The following RAP1GAP2 variants were observed in gnomAD, a reference collection of about 807,000 sequenced individuals.
RAP1GAP2 encodes RAP1 GTPase activating protein 2.
RAP1GAP2 carries 27 observed loss-of-function variants against 95.0 expected under a neutral mutation model. The ratio of observed to expected loss-of-function variants is 0.28; its 90% CI spans 0.21 to 0.39. The LOEUF (loss-of-function observed/expected upper bound fraction) is 0.39. Ranked by LOEUF, RAP1GAP2 falls within the 10% of genes least tolerant of loss-of-function variation. The pLI, the probability that RAP1GAP2 is intolerant of heterozygous loss-of-function variation, is 1.00. For missense variants in RAP1GAP2, 771 were observed against 970.0 expected, an observed-to-expected ratio of 0.79 and a Z score of 2.72; for synonymous variants, 373 against 380.9, an observed-to-expected ratio of 0.98 and a Z score of 0.24.
At position 3,029,498 on chromosome 17, in the gene RAP1GAP2, C is replaced by T. The variant is rs934350545; in HGVS notation, c.2108-1424C>T. On this transcript the variant is annotated intron_variant, in intron 22 of 24. Coordinates refer to ENST00000254695, the MANE Select transcript of RAP1GAP2 (RefSeq NM_015085.5). This position sits in a 1 kb window ranked among gnomAD's most constrained non-coding sequence, Gnocchi z 4.4. ...CTGTTTGGCTGAGTCTGGGGAGAGG[C>T]AGGGTGGAGTGGGGAGAGGTGGCCT... Among the ~76,000 whole-genome samples the T allele has an allele frequency of 6.6e-6, 1 of 152,068 alleles. No homozygotes were observed. The highest frequency in any genetic ancestry group is 1.5e-5 in the Non-Finnish European group (1 of 68,020).
Position 2,992,031 on chromosome 17 carries a change from G to T in RAP1GAP2, c.914+634G>T, listed in dbSNP as rs547859671. On this transcript the variant is annotated intron_variant, in intron 12 of 24. Coordinates refer to ENST00000254695, the MANE Select transcript of RAP1GAP2 (RefSeq NM_015085.5). ...TCCACCCACCTCAGCCTCCCAAAGT[G>T]CTAGGATTACCGGCGTGAGCCGCCG... is the stretch of plus-strand genomic sequence containing the variant. 3.3e-5 allele frequency among the ~76,000 whole-genome samples: 5 copies of T among 152,278 alleles called. No individual in the cohort carries two copies. The South Asian group carries it at 8.3e-4, about 25-fold the overall frequency.
At chr17:2,993,077 G>A (rs1011904811) in intron 12 of RAP1GAP2, among the ~76,000 whole-genome samples, 2 of 147,840 alleles carry the variant, frequency 1.4e-5, no homozygotes, top group African/African-American at 2.5e-5. Flanking sequence ...AAAAAATTAG[G>A]CAGGCATGGT....
chr17:2,854,114 C>T, intron 2 of RAP1GAP2: 1 of 985,466 alleles, frequency 1.0e-6, no homozygotes, highest in Middle Eastern at 5.2e-4. Flanking sequence ...TAAACCCCTG[C>T]AGCGCCGGCC....
intron 1 of RAP1GAP2, among the ~76,000 whole-genome samples, chr17:2,767,968 G>A (rs138460100): frequency 9.9e-4 from 150 of 152,256 alleles, no homozygotes; most frequent in African/African-American, 3.5e-3. Context: ...TCCTGACCTC[G>A]TGATCCATCT....
chr17:2,826,147 A>ATTTTTTTTTTTTTTTTTTTTTTT (rs71150901), intron 2 of RAP1GAP2, among the ~76,000 whole-genome samples: 2 of 108,864 alleles, frequency 1.8e-5, no homozygotes, highest in Non-Finnish European at 3.5e-5. Flanking sequence ...CGCCCAGCAA[A>ATTTTTTTTTTTTTTTTTTTTTTT]TTTTTTTTTT....
chr17:2,774,035 G>A (rs1351893444), upstream of RAP1GAP2, among the ~76,000 whole-genome samples: 1 of 152,180 alleles, frequency 6.6e-6, no homozygotes, highest in Non-Finnish European at 1.5e-5. Context: ...TGGGATTACA[G>A]GCATGAGCCA....
At chr17:2,940,466 G>A (rs1308448428) in intron 3 of RAP1GAP2, among the ~76,000 whole-genome samples, 8 of 152,364 alleles carry the variant, frequency 5.3e-5, no homozygotes, top group Non-Finnish European at 8.8e-5. Flanking sequence ...TTGCCATGGC[G>A]AGAGGGGGAG....
intron 2 of RAP1GAP2, among the ~76,000 whole-genome samples, chr17:2,852,820 A>G (rs1459124249): frequency 6.6e-6 from 1 of 152,080 alleles, no homozygotes; most frequent in Non-Finnish European, 1.5e-5. Flanking sequence ...ATTGTGAGCG[A>G]GGCCCCGCGC....
intron 2 of RAP1GAP2, among the ~76,000 whole-genome samples, chr17:2,841,914 C>T (rs1477525374): frequency 2.0e-5 from 3 of 152,218 alleles, no homozygotes; most frequent in Non-Finnish European, 4.4e-5. Context: ...GCATTCCCAG[C>T]AGTTTCTGGC....
intron 2 of RAP1GAP2, among the ~76,000 whole-genome samples, chr17:2,873,416 A>C (rs2072934996): frequency 7.8e-6 from 1 of 128,796 alleles, no homozygotes; most frequent in Non-Finnish European, 1.6e-5. Context: ...CGGAGGTTGC[A>C]ATGAGCTGAG....
chr17:2,897,803 C>T (rs1047881311), intron 2 of RAP1GAP2, among the ~76,000 whole-genome samples: 1 of 152,112 alleles, frequency 6.6e-6, no homozygotes, highest in Non-Finnish European at 1.5e-5. Context: ...TGCTTGTCTG[C>T]ATAATGAGGC....
chr17:2,955,049 C>T (rs770490165), intron 3 of RAP1GAP2, among the ~76,000 whole-genome samples: 9 of 152,110 alleles, frequency 5.9e-5, no homozygotes, highest in Middle Eastern at 3.2e-3. Context: ...TGGGTTGTAC[C>T]CACCGTTTGG....
At position 2,800,502 on chromosome 17, in the gene RAP1GAP2, T is replaced by C; in HGVS notation, c.45-13T>C. The stretch of plus-strand genomic sequence containing the variant: ...CTCAGCACTGACCGGAGCCCTTGCT[T>C]TTCTCTTGGCAGGATCGACAAGACC... On this transcript the variant is annotated splice_polypyrimidine_tract_variant and intron_variant, in intron 1 of 24. Transcript: ENST00000254695. 1 of 1,612,048 alleles carries C rather than the reference T, an allele frequency of 6.2e-7. No individual in the cohort carries two copies. The highest frequency in any genetic ancestry group is 1.6e-4 in the Middle Eastern group (1 of 6,062).
In RAP1GAP2 at chr17:2,778,225, A is replaced by C. The variant is rs559109596; in HGVS notation, c.-14+947A>C. Among the ~76,000 whole-genome samples, 286 of 151,864 alleles carry C rather than the reference A, an allele frequency of 1.9e-3. 1 individual carries two copies. The highest frequency in any genetic ancestry group is 3.0e-3 in the Non-Finnish European group (204 of 67,900). On this transcript the variant is annotated intron_variant, in intron 1 of 24. Coordinates refer to the RAP1GAP2 transcript ENST00000540393. ...TGTTGGATTTGGCTGCTCAGGCTTC[A>C]AGAAGCTGCCTCTGGTCCCTCCTTC... is the stretch of plus-strand genomic sequence containing the variant.
At chr17:2,775,062 C>T (rs370171332), upstream of RAP1GAP2, among the ~76,000 whole-genome samples, 5 of 151,414 alleles carry the variant, frequency 3.3e-5, no homozygotes, top group Admixed American at 6.6e-5. Context: ...GAACTCCTGA[C>T]CTTAAATGAT....
chr17:2,813,645 A>G (rs2069870367), intron 2 of RAP1GAP2, among the ~76,000 whole-genome samples: 1 of 152,054 alleles, frequency 6.6e-6, no homozygotes, highest in African/African-American at 2.4e-5. Flanking sequence ...GATGCCCACA[A>G]CCCACCCCTC....
At chr17:2,781,255 C>T (rs976401761) in intron 1 of RAP1GAP2, among the ~76,000 whole-genome samples, 3 of 152,228 alleles carry the variant, frequency 2.0e-5, no homozygotes, top group Non-Finnish European at 4.4e-5. Context: ...GGTCAGCAAG[C>T]AGATGGCAGC....
chr17:2,876,281 C>G (rs546890895), intron 2 of RAP1GAP2, among the ~76,000 whole-genome samples: 1 of 151,968 alleles, frequency 6.6e-6, no homozygotes, highest in South Asian at 2.1e-4. Context: ...GTAAAATATT[C>G]GAAGAGATTT....
chr17:2,807,305 A>G (rs556192646), intron 2 of RAP1GAP2, among the ~76,000 whole-genome samples: 1 of 152,318 alleles, frequency 6.6e-6, no homozygotes, highest in Admixed American at 6.5e-5. Flanking sequence ...GATTACAAGA[A>G]TTCTTGAGGC....
Sources: gnomAD v4.1 joint callset for allele counts (sites outside exome capture counted in the v4.1 genomes callset) on GRCh38, gnomAD v4.1.1 for gene constraint, Gnocchi (gnomAD v3.1) non-coding constraint, MANE v1.5 for transcripts, NCBI Gene and HGNC (gene_info 2026-07-23, HGNC 2026-07-21) for gene names.